The following ATP2C1 variants were observed in gnomAD, a reference collection of about 807,000 sequenced individuals.
ATP2C1 encodes calcium-transporting ATPase type 2C member 1.
Under a neutral mutation model 120.5 loss-of-function variants are expected in ATP2C1, and 31 were observed. That is an observed-to-expected ratio of 0.26 (90% CI 0.19 to 0.35). The LOEUF (loss-of-function observed/expected upper bound fraction) is 0.35. Ranked by LOEUF, ATP2C1 falls within the 10% of genes least tolerant of loss-of-function variation. The pLI, the probability that ATP2C1 is intolerant of heterozygous loss-of-function variation, is 1.00. For missense variants in ATP2C1, 731 were observed against 1,107.5 expected (o/e 0.66, Z 4.83); for synonymous variants, 351 against 358.7 (o/e 0.98, Z 0.24).
intron 26 of ATP2C1, chr3:131,014,007 T>A: frequency 7.2e-7 from 1 of 1,388,912 alleles, no homozygotes; most frequent in Non-Finnish European, 9.7e-7. Context: ...AACGGAAGAA[T>A]TTTAAGTAAG....
At chr3:130,946,399 C>G (rs1449873320) in intron 8 of ATP2C1, among the ~76,000 whole-genome samples, 1 of 152,144 alleles carries the variant, frequency 6.6e-6, no homozygotes, top group Admixed American at 6.5e-5. Flanking sequence ...CCTTTCTGTT[C>G]CCTAGTTCTA....
chr3:131,016,430 AAG>A (rs2063637664), exon 27 of ATP2C1: 2 of 1,400,582 alleles, frequency 1.4e-6, no homozygotes, highest in Non-Finnish European at 9.9e-7. Flanking sequence ...TCTATAAAGA[AAG>A]AAATTAATTT....
At chr3:130,911,048 A>G (rs2058382175) in intron 2 of ATP2C1, among the ~76,000 whole-genome samples, 2 of 151,960 alleles carry the variant, frequency 1.3e-5, no homozygotes, top group South Asian at 2.1e-4. Flanking sequence ...TGTACCTCTG[A>G]TAGAATTTGG....
intron 20 of ATP2C1, among the ~76,000 whole-genome samples, chr3:130,987,974 TC>T (rs1282115071): frequency 6.6e-6 from 1 of 152,214 alleles, no homozygotes; most frequent in Non-Finnish European, 1.5e-5. Flanking sequence ...TTTCCATTGA[TC>T]CATTGATAGA....
chr3:130,889,431 A>G (rs2069092260), upstream of ATP2C1, among the ~76,000 whole-genome samples: 1 of 152,120 alleles, frequency 6.6e-6, no homozygotes, highest in Non-Finnish European at 1.5e-5. Flanking sequence ...AAATTTCTCA[A>G]ATGCATGGAA....
At chr3:130,857,208 A>G (rs1047419340) in intron 1 of ATP2C1, among the ~76,000 whole-genome samples, 1 of 152,250 alleles carries the variant, frequency 6.6e-6, no homozygotes. Context: ...CCAAAAAATA[A>G]AAAGCTACCA....
chr3:131,014,326 C>G, intron 26 of ATP2C1: 21 of 1,613,560 alleles, frequency 1.3e-5, no homozygotes, highest in Non-Finnish European at 1.6e-5. Flanking sequence ...AGGAGACTTT[C>G]TACAGAGGTC....
At chr3:130,998,504 AT>A in intron 26 of ATP2C1, 115 bp downstream of exon 26, 1 of 793,588 alleles carries the variant, frequency 1.3e-6, no homozygotes, top group Non-Finnish European at 2.2e-6. Context: ...GTAGCCACAG[AT>A]TGCAGCCCCA....
intron 17 of ATP2C1, among the ~76,000 whole-genome samples, chr3:130,974,633 CT>C (rs2061466407): frequency 6.6e-6 from 1 of 150,946 alleles, no homozygotes; most frequent in Admixed American, 6.6e-5. Context: ...GCAGATTTTG[CT>C]TTAGCTATAT....
intron 6 of ATP2C1, 95 bp from the exon 7 acceptor site, chr3:130,940,535 G>A: frequency 1.2e-6 from 1 of 839,024 alleles, no homozygotes; most frequent in South Asian, 1.5e-5. Flanking sequence ...GATGAGAATT[G>A]GGGGAAATTT....
chr3:130,917,182 T>G (rs917411621), intron 2 of ATP2C1, among the ~76,000 whole-genome samples: 1 of 152,236 alleles, frequency 6.6e-6, no homozygotes, highest in Non-Finnish European at 1.5e-5. Flanking sequence ...ATGTAAGTGT[T>G]GCTGAGTGTG....
chr3:130,890,104 T>C (rs72983758), upstream of ATP2C1, among the ~76,000 whole-genome samples: 286 of 152,358 alleles, frequency 1.9e-3, no homozygotes, highest in African/African-American at 6.6e-3. Flanking sequence ...AATAGGTCTT[T>C]ATTACATATT....
chr3:130,927,822 A>G (rs992401191), intron 2 of ATP2C1: 2 of 153,062 alleles, frequency 1.3e-5, no homozygotes, highest in African/African-American at 4.8e-5. Flanking sequence ...CTGTCAGGTC[A>G]TCATCTCCAC....
At chr3:130,862,565 T>C (rs998313695) in intron 1 of ATP2C1, among the ~76,000 whole-genome samples, 1 of 152,186 alleles carries the variant, frequency 6.6e-6, no homozygotes, top group Non-Finnish European at 1.5e-5. Flanking sequence ...CATTAGAGTC[T>C]AGAAAAGTTC....
At chr3:130,911,350 T>G (rs1407223455) in intron 2 of ATP2C1, among the ~76,000 whole-genome samples, 4 of 151,012 alleles carry the variant, frequency 2.6e-5, no homozygotes, top group South Asian at 2.1e-4. Flanking sequence ...TTTTTCTTTA[T>G]TAGTCTTGCT....
intron 1 of ATP2C1, among the ~76,000 whole-genome samples, chr3:130,860,279 C>G (rs2067973624): frequency 6.6e-6 from 1 of 152,176 alleles, no homozygotes; most frequent in African/African-American, 2.4e-5. Flanking sequence ...CTTGTACAGA[C>G]AGTCCCATGT....
intron 9 of ATP2C1, 77 bp downstream of exon 9, chr3:130,954,053 A>T: frequency 6.6e-7 from 1 of 1,513,080 alleles, no homozygotes; most frequent in Non-Finnish European, 9.1e-7. Flanking sequence ...TGCTGATTTT[A>T]TGTGGAATTT....
chr3:130,888,976 G>A (rs1177675238), intron 1 of ATP2C1, among the ~76,000 whole-genome samples: 2 of 152,166 alleles, frequency 1.3e-5, no homozygotes, highest in Non-Finnish European at 2.9e-5. Flanking sequence ...ATAAATGTGA[G>A]TTATACATAC....
Position 130,894,717 on chromosome 3 carries a change from G to C in ATP2C1, c.-53G>C, listed in dbSNP as rs532231583. 1 of 1,614,156 alleles carries C rather than the reference G, an allele frequency of 6.2e-7. No homozygotes were observed. Among genetic ancestry groups the C allele is most frequent in the East Asian group, 2.2e-5 (1 of 44,876 alleles). On this transcript the variant is annotated 5_prime_UTR_variant, in exon 2 of 28. Coordinates refer to ENST00000510168, the MANE Select transcript of ATP2C1 (RefSeq NM_001378687.1). The surrounding 1 kb of genome is among the most constrained non-coding windows in gnomAD (Gnocchi z 4.5). ...TCCTCTCTATTCCCAGTGTGGCCGT[G>C]GCTGACACTAAAGACTTTGTAGCCA... is the stretch of plus-strand genomic sequence containing the variant.
Sources: allele counts gnomAD v4.1 joint callset (sites outside exome capture counted in the v4.1 genomes callset), GRCh38; gene constraint gnomAD v4.1.1; non-coding constraint Gnocchi (gnomAD v3.1); transcripts MANE v1.5; gene names NCBI Gene and HGNC (gene_info 2026-07-23, HGNC 2026-07-21).